Variants in KCNN2 observed in about 807,000 individuals in gnomAD.
KCNN2 encodes small conductance calcium-activated potassium channel protein 2.
KCNN2 carries 24 observed loss-of-function variants against 55.5 expected under a neutral mutation model. The ratio of observed to expected loss-of-function variants is 0.43; its 90% CI spans 0.31 to 0.61. KCNN2 has a LOEUF of 0.61. Ranked by LOEUF, KCNN2 falls within the 20% of genes least tolerant of loss-of-function variation. The pLI, the probability that KCNN2 is intolerant of heterozygous loss-of-function variation, is 0.08. For synonymous variants in KCNN2, 431 were observed against 336.1 expected (o/e 1.28, Z -3.09); for missense variants, 754 against 853.6 (o/e 0.88, Z 1.45).
At chr5:114,357,252 G>T (rs1356762620), upstream of KCNN2, among the ~76,000 whole-genome samples, 3 of 150,660 alleles carry the variant, frequency 2.0e-5, no homozygotes, top group Non-Finnish European at 4.4e-5. Context: ...TGGCATAATA[G>T]AAATTTGAAT....
rs531828299 is a variant in KCNN2 at position 114,442,824 on chromosome 5, A to G, written c.1638-20225A>G. On this transcript the variant is annotated intron_variant, in intron 3 of 7. Coordinates refer to ENST00000673685, the MANE Select transcript of KCNN2 (RefSeq NM_021614.4). ...TCGGAACAGGACCTTCAGAATATGA[A>G]ACACTTGTGAACTCGGAGAGATGTG... Among the ~76,000 whole-genome samples the G allele has an allele frequency of 1.8e-4, 28 of 152,290 alleles. No individual in the cohort carries two copies. In the East Asian group the frequency reaches 5.4e-3, roughly 29 times the overall value.
chr5:114,200,544 C>T (rs1753653543), intron 1 of KCNN2, among the ~76,000 whole-genome samples: 1 of 152,096 alleles, frequency 6.6e-6, no homozygotes. Flanking sequence ...GAATCTGTTG[C>T]TGGACAATTG....
intron 2 of KCNN2, among the ~76,000 whole-genome samples, chr5:114,385,983 C>T (rs1047595729): frequency 6.6e-6 from 1 of 151,338 alleles, no homozygotes; most frequent in African/African-American, 2.4e-5. Flanking sequence ...TCGAGACCAG[C>T]CTGGCTAACA....
intron 3 of KCNN2, among the ~76,000 whole-genome samples, chr5:114,429,894 T>C (rs1440712621): frequency 6.6e-6 from 1 of 150,462 alleles, no homozygotes; most frequent in African/African-American, 2.4e-5. Flanking sequence ...GATTGTCCTT[T>C]CCCTCTGTTG....
At position 114,273,320 on chromosome 5, in the gene KCNN2, A is replaced by T. The variant is rs184463304; in HGVS notation, c.-185+51755A>T. Among the ~76,000 whole-genome samples, 14 of 152,298 alleles carry T rather than the reference A, an allele frequency of 9.2e-5. No homozygotes were observed. In the East Asian group the frequency reaches 2.7e-3, roughly 29 times the overall value. On this transcript the variant is annotated intron_variant, in intron 2 of 10. Coordinates refer to the KCNN2 transcript ENST00000512097. ...GTTCCAAGTCTTTGCTATCGTGACT[A>T]ATGCTGCAATAAACATACGTGTGCA...
At chr5:114,345,675 CTG>C (rs573106473) in intron 2 of KCNN2, among the ~76,000 whole-genome samples, 56 of 152,336 alleles carry the variant, frequency 3.7e-4, no homozygotes, top group African/African-American at 1.2e-3. Flanking sequence ...ATAACTGAGA[CTG>C]TGTAATTTCT....
chr5:114,164,942 C>A (rs1025293524), intron 1 of KCNN2, among the ~76,000 whole-genome samples: 13 of 152,222 alleles, frequency 8.5e-5, no homozygotes, highest in Admixed American at 5.9e-4. Context: ...ATTAACTTAA[C>A]GTTCCTAATG....
At chr5:114,369,917 C>T (rs1757713830) in intron 2 of KCNN2, among the ~76,000 whole-genome samples, 1 of 152,010 alleles carries the variant, frequency 6.6e-6, no homozygotes, top group South Asian at 2.1e-4. Flanking sequence ...GGGCTGTCAT[C>T]CCAAACCACG....
rs565236071 is a variant in KCNN2 at position 114,124,724 on chromosome 5, G to T, written c.-271+68224G>T. On this transcript the variant is annotated intron_variant, in intron 1 of 10. Transcript: ENST00000512097. ...CCTCTATTCTCAACATCTTTTCCAA[G>T]AAATTTACACTGTTTGCCTTCTCAT... 9.2e-5 allele frequency among the ~76,000 whole-genome samples: 14 copies of T among 152,194 alleles called. No homozygotes were observed. In the East Asian group the frequency reaches 1.9e-3, roughly 21 times the overall value.
chr5:114,319,170 C>T (rs6874235), intron 2 of KCNN2, among the ~76,000 whole-genome samples: 47,791 of 151,928 alleles, frequency 0.31, 8,506 homozygotes, highest in East Asian at 0.8. Context: ...ATATTCTGAG[C>T]GGGAAAGCAG....
intron 2 of KCNN2, among the ~76,000 whole-genome samples, chr5:114,319,866 C>G (rs1213598643): frequency 6.6e-6 from 1 of 152,132 alleles, no homozygotes; most frequent in Non-Finnish European, 1.5e-5. Context: ...CTAATTGTGA[C>G]TCATATAATC....
chr5:114,457,082 GC>G (rs1347126891), intron 3 of KCNN2, among the ~76,000 whole-genome samples: 1 of 152,174 alleles, frequency 6.6e-6, no homozygotes, highest in Non-Finnish European at 1.5e-5. Context: ...TGGGTAAAAT[GC>G]TATCATATAG....
chr5:114,430,840 C>G (rs1046206520), intron 3 of KCNN2, among the ~76,000 whole-genome samples: 1 of 152,040 alleles, frequency 6.6e-6, no homozygotes, highest in Non-Finnish European at 1.5e-5. Context: ...TTTTCTGCAT[C>G]TATTGATATG....
intron 2 of KCNN2, among the ~76,000 whole-genome samples, chr5:114,379,219 C>T (rs559595023): frequency 7.9e-4 from 120 of 152,004 alleles, no homozygotes; most frequent in Non-Finnish European, 1.3e-3. Flanking sequence ...GGAAGACCCT[C>T]GCCATCCGTT....
chr5:114,491,644 T>C (rs1008697393), intron 6 of KCNN2, among the ~76,000 whole-genome samples: 1 of 152,026 alleles, frequency 6.6e-6, no homozygotes, highest in Non-Finnish European at 1.5e-5. Flanking sequence ...ATTAACTGTT[T>C]TCCATCTTAA....
At chr5:114,158,036 C>A (rs1403407006) in intron 1 of KCNN2, among the ~76,000 whole-genome samples, 1 of 152,016 alleles carries the variant, frequency 6.6e-6, no homozygotes, top group African/African-American at 2.4e-5. Flanking sequence ...TTTTGGCTTT[C>A]GTTGCCTTTG....
intron 5 of KCNN2, among the ~76,000 whole-genome samples, chr5:114,479,854 G>A (rs937182124): frequency 7.2e-5 from 11 of 152,034 alleles, no homozygotes; most frequent in Admixed American, 2.0e-4. Flanking sequence ...AGGCAACGTA[G>A]CAGAATCTCT....
At chr5:114,449,879 TACAC>T (rs745574908) in intron 3 of KCNN2, among the ~76,000 whole-genome samples, 18,607 of 93,250 alleles carry the variant, frequency 0.2, 1,383 homozygotes, top group Middle Eastern at 0.29. Context: ...CATCCAAACA[TACAC>T]ACACACACAC....
At chr5:114,105,885 C>A (rs555320015) in intron 1 of KCNN2, among the ~76,000 whole-genome samples, 2 of 151,990 alleles carry the variant, frequency 1.3e-5, no homozygotes, top group South Asian at 4.2e-4. Context: ...TCAATATTAT[C>A]ATTTCTTGTT....
Sources: allele counts gnomAD v4.1 joint callset (sites outside exome capture counted in the v4.1 genomes callset), GRCh38; gene constraint gnomAD v4.1.1; transcripts MANE v1.5; gene names NCBI Gene and HGNC (gene_info 2026-07-23, HGNC 2026-07-21).